The following SMIM27 variants were observed in gnomAD, a reference collection of about 807,000 sequenced individuals.
SMIM27 encodes the protein transition zone microprotein 1, also known as TOPORS antisense RNA 1 (non-protein coding).
A neutral mutation model predicts 1.8 loss-of-function variants in SMIM27; 3 were observed. The ratio of observed to expected loss-of-function variants is 1.65; its 90% confidence interval spans 0.75 to 4.28. SMIM27 has a LOEUF of 4.28. Among genes scored for constraint, SMIM27 ranks in the 30% most tolerant of loss-of-function variants. SMIM27 has a pLI of 0.02. For missense variants in SMIM27, 63 were observed against 37.0 expected (o/e 1.70, Z -1.83); for synonymous variants, 19 against 13.9 (o/e 1.37, Z -0.82).
intron 1 of SMIM27, among the ~76,000 whole-genome samples, chr9:32,563,699 A>T (rs2119019382): frequency 6.6e-6 from 1 of 152,158 alleles, no homozygotes; most frequent in Non-Finnish European, 1.5e-5. Flanking sequence ...AATTTTTCTA[A>T]TTCTATCATT....
At chr9:32,563,535 G>A (rs987473780) in intron 1 of SMIM27, among the ~76,000 whole-genome samples, 10 of 125,186 alleles carry the variant, frequency 8.0e-5, no homozygotes, top group African/African-American at 3.1e-4. Flanking sequence ...TGTTGCCCAG[G>A]TTGATCTCAA....
chr9:32,566,488 G>C (rs539726245), exon 2 of SMIM27: 38 of 788,620 alleles, frequency 4.8e-5, no homozygotes, highest in Middle Eastern at 2.3e-4. Flanking sequence ...ACCCTGGCAG[G>C]AGAACTAGCC....
exon 2 of SMIM27, chr9:32,566,420 C>T (rs1821790885): frequency 2.3e-6 from 2 of 866,482 alleles, no homozygotes; most frequent in African/African-American, 1.6e-5. Context: ...AGCCTGCTCT[C>T]CCTGTTACTG....
intron 1 of SMIM27, among the ~76,000 whole-genome samples, chr9:32,560,006 G>A (rs80294852): frequency 1.3e-5 from 2 of 152,176 alleles, no homozygotes. Flanking sequence ...ATGATATGAG[G>A]CATAGAGAAC....
upstream of SMIM27, chr9:32,551,694 G>C (rs1821266144): frequency 2.9e-6 from 1 of 347,632 alleles, no homozygotes; most frequent in Non-Finnish European, 6.2e-6. Context: ...GCTGAACCTG[G>C]TACGCTCGCC....
chr9:32,554,751 T>C (rs887992215), downstream of SMIM27, among the ~76,000 whole-genome samples: 1 of 152,232 alleles, frequency 6.6e-6, no homozygotes, highest in Admixed American at 6.5e-5. Context: ...ATCATTGCCT[T>C]GAAGTGGCAC....
chr9:32,563,954 C>T (rs1003183584), intron 1 of SMIM27, among the ~76,000 whole-genome samples: 1 of 152,174 alleles, frequency 6.6e-6, no homozygotes, highest in Admixed American at 6.5e-5. Flanking sequence ...ATGTTCCAAG[C>T]TCATCTTATA....
chr9:32,551,907 T>A, upstream of SMIM27: 1 of 355,678 alleles, frequency 2.8e-6, no homozygotes, highest in Non-Finnish European at 6.0e-6. Context: ...ATTTGTCACA[T>A]ATAAAAGAGT....
chr9:32,556,846 CTTT>C (rs10703297), downstream of SMIM27, among the ~76,000 whole-genome samples: 14 of 82,386 alleles, frequency 1.7e-4, no homozygotes, highest in South Asian at 1.5e-3. Flanking sequence ...AAATCCCCTA[CTTT>C]TTTTTTTTTT....
intron 1 of SMIM27, among the ~76,000 whole-genome samples, chr9:32,562,267 T>C (rs954466425): frequency 7.9e-5 from 12 of 152,236 alleles, no homozygotes; most frequent in African/African-American, 1.9e-4. Context: ...TTGTATATTC[T>C]TTCTATAGCA....
At chr9:32,564,839 CA>C (rs1348774308) in intron 1 of SMIM27, among the ~76,000 whole-genome samples, 5 of 152,224 alleles carry the variant, frequency 3.3e-5, no homozygotes, top group Non-Finnish European at 5.9e-5. Flanking sequence ...CTTGAAACTA[CA>C]ACATCCTTTT....
downstream of SMIM27, among the ~76,000 whole-genome samples, chr9:32,556,844 TA>T (rs1821468822): frequency 6.1e-5 from 8 of 131,434 alleles, no homozygotes; most frequent in Admixed American, 2.5e-4. Flanking sequence ...AGAAATCCCC[TA>T]CTTTTTTTTT....
intron 1 of SMIM27, among the ~76,000 whole-genome samples, chr9:32,558,236 C>T (rs577502512): frequency 4.0e-5 from 6 of 151,792 alleles, no homozygotes; most frequent in South Asian, 2.1e-4. Context: ...CTCAGCCTCT[C>T]GAGTAGCTGG....
At chr9:32,555,663 A>G (rs1273324235), downstream of SMIM27, among the ~76,000 whole-genome samples, 2 of 152,244 alleles carry the variant, frequency 1.3e-5, no homozygotes, top group African/African-American at 4.8e-5. Flanking sequence ...AATGTTTGAA[A>G]TTAAAACAAC....
At chr9:32,558,213 G>A (rs1283845631) in intron 1 of SMIM27, among the ~76,000 whole-genome samples, 1 of 148,054 alleles carries the variant, frequency 6.8e-6, no homozygotes, top group African/African-American at 2.5e-5. Flanking sequence ...CCAGGTTCAC[G>A]CCATTCTCCT....
intron 1 of SMIM27, among the ~76,000 whole-genome samples, chr9:32,559,634 G>A (rs1821571900): frequency 1.3e-5 from 2 of 151,988 alleles, no homozygotes; most frequent in African/African-American, 4.8e-5. Context: ...CCTAAATACT[G>A]CTTGACCTGT....
chr9:32,557,863 C>A (rs1220454924), downstream of SMIM27, among the ~76,000 whole-genome samples: 2 of 152,172 alleles, frequency 1.3e-5, no homozygotes, highest in African/African-American at 4.8e-5. Context: ...CCTGTTGCAA[C>A]AGATAATCAT....
intron 1 of SMIM27, among the ~76,000 whole-genome samples, chr9:32,564,968 A>T (rs1003137522): frequency 6.6e-6 from 1 of 152,148 alleles, no homozygotes; most frequent in African/African-American, 2.4e-5. Flanking sequence ...ATTCATAGAC[A>T]TTGGGAGGTT....
At chr9:32,554,423 T>G (rs190928945), downstream of SMIM27, among the ~76,000 whole-genome samples, 1 of 152,220 alleles carries the variant, frequency 6.6e-6, no homozygotes, top group Non-Finnish European at 1.5e-5. Flanking sequence ...ATTCTTGATA[T>G]AGATGTGGGC....
Sources: allele counts gnomAD v4.1 joint callset (sites outside exome capture counted in the v4.1 genomes callset), GRCh38; gene constraint gnomAD v4.1.1; transcripts MANE v1.5; gene names NCBI Gene and HGNC (gene_info 2026-07-23, HGNC 2026-07-21).